Variants in PRKDC observed in about 807,000 individuals in gnomAD.
The protein encoded by PRKDC is DNA-dependent protein kinase catalytic subunit.
A neutral mutation model predicts 486.9 loss-of-function variants in PRKDC; 82 were observed. The ratio of observed to expected loss-of-function variants is 0.17; its 90% confidence interval spans 0.14 to 0.20. The LOEUF (loss-of-function observed/expected upper bound fraction) is 0.20, where lower values mean the gene tolerates loss of function less well. PRKDC is among the 10% of genes least tolerant of loss of function. The probability of loss-of-function intolerance (pLI) is 1.00; values close to 1 mark genes in which losing one functional copy is unlikely to be tolerated. For missense variants in PRKDC, 4,504 were observed against 5,038.2 expected, an observed-to-expected ratio of 0.89 and a Z score of 3.21; for synonymous variants, 1,895 against 1,837.0, an observed-to-expected ratio of 1.03 and a Z score of -0.81.
intron 35 of PRKDC, among the ~76,000 whole-genome samples, chr8:47,886,542 C>T (rs933824902): frequency 1.3e-5 from 2 of 152,110 alleles, no homozygotes; most frequent in African/African-American, 4.8e-5. Flanking sequence ...CAAGTGCGTT[C>T]TACCACACCT....
chr8:47,783,515 G>A (rs894789097), intron 78 of PRKDC, among the ~76,000 whole-genome samples: 4 of 152,034 alleles, frequency 2.6e-5, no homozygotes, highest in Middle Eastern at 3.4e-3. Context: ...GTTTGAACCC[G>A]GGAGGCAGAG....
At chr8:47,955,354 T>C (rs1254980170) in intron 4 of PRKDC, among the ~76,000 whole-genome samples, 68 of 136,270 alleles carry the variant, frequency 5.0e-4, no homozygotes, top group Non-Finnish European at 7.1e-4. Flanking sequence ...CCCAGCTACT[T>C]GGGAGGCTGA....
At chr8:47,811,198 A>T (rs1344858359) in intron 68 of PRKDC, among the ~76,000 whole-genome samples, 1 of 152,238 alleles carries the variant, frequency 6.6e-6, no homozygotes, top group Non-Finnish European at 1.5e-5. Flanking sequence ...AATATGACAC[A>T]TTACATGTGG....
chr8:47,846,036 CAAT>C (rs2154500076), intron 54 of PRKDC, among the ~76,000 whole-genome samples: 1 of 152,266 alleles, frequency 6.6e-6, no homozygotes, highest in South Asian at 2.1e-4. Flanking sequence ...ATACACAAAT[CAAT>C]AATGTGATTC....
At chr8:47,788,489 G>C (rs1156620876) in intron 76 of PRKDC, among the ~76,000 whole-genome samples, 1 of 152,198 alleles carries the variant, frequency 6.6e-6, no homozygotes, top group Non-Finnish European at 1.5e-5. Flanking sequence ...TTTGGGGACT[G>C]GATCTGTCTT....
intron 69 of PRKDC, 74 bp from the exon 70 acceptor site, chr8:47,803,554 T>C (rs1307952605): frequency 1.4e-6 from 2 of 1,420,474 alleles, no homozygotes; most frequent in Non-Finnish European, 9.9e-7. Flanking sequence ...ATTGGCCTGC[T>C]TCCCCCTTTG....
At chr8:47,923,042 T>C (rs2090097796) in intron 21 of PRKDC, among the ~76,000 whole-genome samples, 2 of 152,138 alleles carry the variant, frequency 1.3e-5, no homozygotes, top group Admixed American at 1.3e-4. Context: ...ATCAAGGACT[T>C]TGCCTGTACC....
Position 47,789,059 on chromosome 8 carries a change from GA to G in PRKDC, c.10759-11del, listed in dbSNP as rs34211555. 3.9e-5 allele frequency: 62 copies of G among 1,594,962 alleles called. No homozygotes were observed. The highest frequency in any genetic ancestry group is 1.4e-4 in the Admixed American group (8 of 57,910). On this transcript the variant is annotated splice_polypyrimidine_tract_variant and intron_variant, in intron 75 of 85. Coordinates refer to ENST00000314191, the MANE Select transcript of PRKDC (RefSeq NM_006904.7). ...CATCATTGCTCCAATCCTGTCAGGG[GA>G]AAAAAAAAGTAAGAAAAAAATCAAG...
At chr8:47,869,166 G>A (rs915166435) in intron 40 of PRKDC, among the ~76,000 whole-genome samples, 4 of 152,038 alleles carry the variant, frequency 2.6e-5, no homozygotes, top group Non-Finnish European at 5.9e-5. Context: ...GACTTGGGGG[G>A]CACATAACCT....
rs978125635 is a variant in PRKDC at position 47,782,735 on chromosome 8, C to T, written c.11176-137G>A. 5 of 900,166 alleles carry T rather than the reference C, an allele frequency of 5.6e-6. No individual in the cohort carries two copies. The highest frequency in any genetic ancestry group is 8.2e-6 in the Non-Finnish European group (5 of 606,142). The allele number at this position is 900,166 out of a possible 1,614,324, so 55.8% of individuals were successfully genotyped here. A position where few individuals can be genotyped will look rare whatever the true frequency, so the allele number is the denominator to read the frequency against. ...GTGCCAAAGAGCAGAGCGCCCAGGC[C>T]AGCAACGAATTTCTGCTACCTGCTT... On this transcript the variant is annotated intron_variant, in intron 78 of 85. Coordinates refer to ENST00000314191, the MANE Select transcript of PRKDC (RefSeq NM_006904.7). This position sits in a 1 kb window ranked among gnomAD's most constrained non-coding sequence, Gnocchi z 4.9.
rs939754410 is a variant in PRKDC at position 47,786,194 on chromosome 8, C to T, written c.10903-877G>A. Among the ~76,000 whole-genome samples the T allele has an allele frequency of 5.3e-5, 8 of 152,046 alleles. No individual in the cohort carries two copies. The East Asian group carries it at 1.4e-3, about 26-fold the overall frequency. ...TTGGGAGGCTGAGGTGGGTGGATCA[C>T]GAGGTCAGGAGCTCAAGACCAGCCT... On this transcript the variant is annotated intron_variant, in intron 76 of 85. Coordinates refer to ENST00000314191, the MANE Select transcript of PRKDC (RefSeq NM_006904.7).
chr8:47,872,185 G>A (rs1020110587), intron 40 of PRKDC, among the ~76,000 whole-genome samples: 1 of 152,144 alleles, frequency 6.6e-6, no homozygotes, highest in Non-Finnish European at 1.5e-5. Flanking sequence ...TTGCTCATGT[G>A]TTTGTTTATC....
At position 47,879,509 on chromosome 8, in the gene PRKDC, A is replaced by G. The variant is rs1287850825; in HGVS notation, c.5217T>C (p.Tyr1739=). 3 of 1,592,850 alleles carry G rather than the reference A, an allele frequency of 1.9e-6. No homozygotes were observed. The highest frequency in any genetic ancestry group is 2.6e-6 in the Non-Finnish European group (3 of 1,169,132). The part of the protein sequence containing the change: ...FPPGTPRFNN[Y]VDCMKKFLDA... ...AACTAACCTTTTTCATGCAGTCCAC[A>G]TAATTATTGAACCGCGGAGTTCCTG... The change falls in exon 39 of 86, where the codon TAT becomes TAC. Residue 1739 remains tyrosine, a synonymous_variant. Coordinates refer to ENST00000314191, the MANE Select transcript of PRKDC (RefSeq NM_006904.7).
intron 62 of PRKDC, among the ~76,000 whole-genome samples, chr8:47,827,490 T>A (rs561364283): frequency 6.6e-6 from 1 of 152,334 alleles, no homozygotes; most frequent in South Asian, 2.1e-4. Context: ...CATATTTAAG[T>A]AGTAACTGAA....
At chr8:47,922,486 T>C (rs1306154658) in intron 21 of PRKDC, among the ~76,000 whole-genome samples, 2 of 151,346 alleles carry the variant, frequency 1.3e-5, no homozygotes, top group Non-Finnish European at 2.9e-5. Context: ...AAAAAAAAAT[T>C]GTAAAGATAA....
chr8:47,919,438 A>G (rs2154503060), intron 21 of PRKDC, among the ~76,000 whole-genome samples: 2 of 152,322 alleles, frequency 1.3e-5, no homozygotes, highest in East Asian at 3.9e-4. Context: ...ACTTTGACAC[A>G]TGTTCATTTT....
Position 47,855,284 on chromosome 8 carries a change from G to A in PRKDC, c.6699C>T (p.His2233=), listed in dbSNP as rs748468112. ...CAAGGGTCTTTATAATTTCAAGGTT[G>A]TGTCTAAACACAGCTCTTTTTGGAT... ...VFHPKRAVFR[H]NLEIIKTLVE... is the part of the protein sequence containing the mutation. The change falls in exon 50 of 86, where the codon CAC becomes CAT. Residue 2233 remains histidine (H), a synonymous_variant. Coordinates refer to ENST00000314191, the MANE Select transcript of PRKDC (RefSeq NM_006904.7). 1.9e-6 allele frequency: 3 copies of A among 1,603,380 alleles called. No individual in the cohort carries two copies. The highest frequency in any genetic ancestry group is 2.6e-6 in the Non-Finnish European group (3 of 1,174,298).
At position 47,914,168 on chromosome 8, in the gene PRKDC, T is replaced by C. The variant is rs1589788515; in HGVS notation, c.2618-104A>G. 18 of 1,014,622 alleles carry C rather than the reference T, an allele frequency of 1.8e-5. No homozygotes were observed. The East Asian group carries it at 5.3e-4, about 30-fold the overall frequency. 62.9% of individuals were successfully genotyped at this position (1,014,622 alleles called of 1,614,324 possible). A position where few individuals can be genotyped will look rare whatever the true frequency, so the allele number is the denominator to read the frequency against. ...TTCTAATGCCAGCTGTTCTACATTC[T>C]ATTAAAGTGAAGCACTTCATTCATC... is the stretch of plus-strand genomic sequence containing the variant. On this transcript the variant is annotated intron_variant, in intron 23 of 85. Coordinates refer to ENST00000314191, the MANE Select transcript of PRKDC (RefSeq NM_006904.7).
rs199864974 is a variant in PRKDC at position 47,858,626 on chromosome 8, G to A, written c.6355C>T (p.Pro2119Ser). 1.3e-6 allele frequency: 2 copies of A among 1,523,676 alleles called. No individual in the cohort carries two copies. Among genetic ancestry groups the A allele is most frequent in the Admixed American group, 2.4e-5 (1 of 41,524 alleles). 94.4% of individuals were successfully genotyped at this position (1,523,676 alleles called of 1,614,324 possible). The change falls in exon 48 of 86, where the codon CCA (proline) becomes TCA (serine). Residue 2119 changes from proline to serine, a missense_variant. This residue lies in a region of PRKDC where 1,592 missense variants were observed against 1,724.6 expected (regional missense o/e 0.92). Coordinates refer to ENST00000314191, the MANE Select transcript of PRKDC (RefSeq NM_006904.7). ...GPPQGEEDSV[P>S]RDLPSWMKFL... ...TTCATCCAAGAAGGAAGATCTCTTGGCACTGAATCCTAAAATAAAACATTC... is the reference window on the plus strand; with the variant it reads ...TTCATCCAAGAAGGAAGATCTCTTGACACTGAATCCTAAAATAAAACATTC...
Sources: allele counts gnomAD v4.1 joint callset (sites outside exome capture counted in the v4.1 genomes callset), GRCh38; gene constraint gnomAD v4.1.1; regional missense constraint gnomAD v4.1.1; non-coding constraint Gnocchi (gnomAD v3.1); transcripts MANE v1.5; gene names NCBI Gene and HGNC (gene_info 2026-07-23, HGNC 2026-07-21).